Variants in CST9L observed in about 807,000 individuals in gnomAD.
The protein encoded by CST9L is cystatin-9-like.
In CST9L, 17 loss-of-function variants were observed where a neutral mutation model predicts 13.2. The ratio of observed to expected loss-of-function variants is 1.29; its 90% confidence interval spans 0.88 to 1.93. The LOEUF is 1.93. Ranked by LOEUF, CST9L falls within the 30% of genes most tolerant of loss-of-function variation. The probability of loss-of-function intolerance (pLI) is 0.00; values close to 1 mark genes in which losing one functional copy is unlikely to be tolerated. For synonymous variants in CST9L, 78 were observed against 69.1 expected, an observed-to-expected ratio of 1.13 and a Z score of -0.64; for missense variants, 170 against 170.5, an observed-to-expected ratio of 1.00 and a Z score of 0.02.
intron 1 of CST9L, 49 bp downstream of exon 1, chr20:23,568,162 T>G (rs764967975): frequency 1.2e-6 from 2 of 1,604,722 alleles, no homozygotes; most frequent in Non-Finnish European, 1.7e-6. Flanking sequence ...CATTTTTCAC[T>G]GAGCAGCACA....
Position 23,564,858 on chromosome 20 carries a change from G to A in CST9L, c.*90C>T. The A allele has an allele frequency of 1.1e-6, 1 of 881,664 alleles. No homozygotes were observed. The highest frequency in any genetic ancestry group is 1.3e-5 in the South Asian group (1 of 75,394). 54.6% of individuals were successfully genotyped at this position (881,664 alleles called of 1,614,324 possible). ...TAGGATAACAAACAAGTCCAAAGCT[G>A]CTCAGCCACTGAAGAGTCCTCAGGA... On this transcript the variant is annotated 3_prime_UTR_variant, in exon 3 of 3. Coordinates refer to ENST00000376979, the MANE Select transcript of CST9L (RefSeq NM_080610.3).
At chr20:23,565,505 G>C (rs1278891525) in intron 2 of CST9L, among the ~76,000 whole-genome samples, 1 of 152,178 alleles carries the variant, frequency 6.6e-6, no homozygotes, top group African/African-American at 2.4e-5. Context: ...TCAGCTCAGG[G>C]CCTGGGAGGG....
chr20:23,566,294 C>T (rs920205407), intron 1 of CST9L, among the ~76,000 whole-genome samples: 3 of 152,194 alleles, frequency 2.0e-5, no homozygotes, highest in African/African-American at 7.2e-5. Flanking sequence ...GGCAGACACC[C>T]ATGAATGTAT....
intron 1 of CST9L, 25 bp downstream of exon 1, chr20:23,568,186 G>A: frequency 6.2e-7 from 1 of 1,613,688 alleles, no homozygotes; most frequent in Non-Finnish European, 8.5e-7. Context: ...CAGATGCCAG[G>A]GCAGGAGGGT....
Position 23,568,112 on chromosome 20 carries a change from C to T in CST9L, c.240+99G>A, listed in dbSNP as rs114733042. The T allele has an allele frequency of 2.7e-3, 3,382 of 1,264,210 alleles. 67 individuals are homozygous for T. The African/African-American group carries it at 0.044, about 16-fold the overall frequency. 78.3% of individuals were successfully genotyped at this position (1,264,210 alleles called of 1,614,324 possible). On this transcript the variant is annotated intron_variant, in intron 1 of 2. Transcript: ENST00000376979. ...TTAAGTATGGACTACAACTGGTGAACAAGACTCTTCAATAAGACCCCCTGT... is the reference window on the plus strand; with the variant it reads ...TTAAGTATGGACTACAACTGGTGAATAAGACTCTTCAATAAGACCCCCTGT...
In CST9L at chr20:23,568,274, G is replaced by C. The variant is rs371800048; in HGVS notation, c.177C>G (p.Asn59Lys). The C allele has an allele frequency of 4.3e-6, 7 of 1,613,996 alleles. No individual in the cohort carries two copies. In the African/African-American group the frequency reaches 9.3e-5, roughly 22 times the overall value. The part of the protein sequence containing the change: ...ATVEFAVHTF[N>K]QQSKDYYAYR... ...AGGCATAGTAGTCCTTGCTCTGTTG[G>C]TTGAATGTGTGGACAGCAAACTCCA... is the stretch of plus-strand genomic sequence containing the variant. The change falls in exon 1 of 3, where the codon AAC (asparagine) becomes AAG (lysine). Residue 59 changes from asparagine (N) to lysine (K), a missense_variant. By Grantham distance (94) the Asn-to-Lys change is moderately conservative. Transcript: ENST00000376979.
chr20:23,568,116 A>T, intron 1 of CST9L, 95 bp downstream of exon 1: 2 of 1,286,874 alleles, frequency 1.6e-6, no homozygotes, highest in Non-Finnish European at 2.2e-6. Context: ...GGTGAACAAG[A>T]CTCTTCAATA....
intron 1 of CST9L, among the ~76,000 whole-genome samples, chr20:23,567,721 T>C (rs570299352): frequency 6.6e-6 from 1 of 152,262 alleles, no homozygotes; most frequent in Admixed American, 6.5e-5. Context: ...AAGTTGGAAA[T>C]CAGCAAAGAG....
rs1989066503 is a variant in CST9L at position 23,564,761 on chromosome 20, A to G, written c.*187T>C. ...TTAAAATGCTGATGTTTAATGATCT[A>G]CACTACATGATTAGGCTCAAGATGT... On this transcript the variant is annotated 3_prime_UTR_variant, in exon 3 of 3. Transcript: ENST00000376979. 2 of 594,376 alleles carry G rather than the reference A, an allele frequency of 3.4e-6. No individual in the cohort carries two copies. Among genetic ancestry groups the G allele is most frequent in the Non-Finnish European group, 6.1e-6 (2 of 330,152 alleles). 36.8% of individuals were successfully genotyped at this position (594,376 alleles called of 1,614,324 possible).
At chr20:23,568,136 G>A in intron 1 of CST9L, 75 bp downstream of exon 1, 2 of 1,519,112 alleles carry the variant, frequency 1.3e-6, no homozygotes, top group Non-Finnish European at 1.8e-6. Context: ...AAGACCCCCT[G>A]TCCCCACCCC....
intron 1 of CST9L, among the ~76,000 whole-genome samples, chr20:23,567,302 G>A (rs1013140293): frequency 1.3e-5 from 2 of 152,030 alleles, no homozygotes; most frequent in East Asian, 1.9e-4. Flanking sequence ...GAGGTCAGGA[G>A]TTCAAGACCA....
At position 23,566,234 on chromosome 20, in the gene CST9L, T is replaced by C. The variant is rs2208284; in HGVS notation, c.241-147A>G. 0.4 allele frequency: 258,635 copies of C among 653,290 alleles called. 53,394 individuals are homozygous for C. Among genetic ancestry groups the C allele is most frequent in the Middle Eastern group, 0.56 (2,209 of 3,928 alleles). 40.5% of individuals were successfully genotyped at this position (653,290 alleles called of 1,614,324 possible). A position where few individuals can be genotyped will look rare whatever the true frequency, so the allele number is the denominator to read the frequency against. On this transcript the variant is annotated intron_variant, in intron 1 of 2. Coordinates refer to ENST00000376979, the MANE Select transcript of CST9L (RefSeq NM_080610.3). Reference sequence around the variant, plus strand: ...ATGGGCCTGGCATCAGGAGATCTTCTTTAGATTGGGCAGTTAAGAACAAAA... The same window carrying C: ...ATGGGCCTGGCATCAGGAGATCTTCCTTAGATTGGGCAGTTAAGAACAAAA...
Position 23,564,966 on chromosome 20 carries a change from G to A in CST9L, c.426C>T (p.Cys142=), listed in dbSNP as rs1283987028. The A allele has an allele frequency of 6.2e-7, 1 of 1,612,998 alleles. No individual in the cohort carries two copies. The highest frequency in any genetic ancestry group is 8.5e-7 in the Non-Finnish European group (1 of 1,178,964). The change falls in exon 3 of 3, where the codon TGC becomes TGT. Residue 142 remains cysteine (C), a synonymous_variant. Transcript: ENST00000376979. ...GTTTCACTCAGTGGAATCCCTCCAA[G>A]CAGGTCTTGTTCAGGAGGCTGAACT... ...MTQFSLLNKT[C]LEGFH is the part of the protein sequence containing the mutation.
At chr20:23,568,068 TA>T in intron 1 of CST9L, 142 bp downstream of exon 1, 1 of 763,760 alleles carries the variant, frequency 1.3e-6, no homozygotes, top group Non-Finnish European at 2.1e-6. Flanking sequence ...AAAAACTAAC[TA>T]AACTACCTTG....
At chr20:23,565,208 T>A (rs1441513795) in intron 2 of CST9L, among the ~76,000 whole-genome samples, 171 bp from the exon 3 acceptor site, 4 of 152,118 alleles carry the variant, frequency 2.6e-5, no homozygotes, top group African/African-American at 9.7e-5. Flanking sequence ...CCTGGGCTGT[T>A]CTGGAGATTT....
intron 1 of CST9L, 98 bp from the exon 2 acceptor site, chr20:23,566,185 TCTC>T (rs1989093717): frequency 1.3e-6 from 1 of 777,770 alleles, no homozygotes; most frequent in Non-Finnish European, 2.3e-6. Flanking sequence ...GTCCCAACAT[TCTC>T]CTCCATTAGG....
Position 23,568,198 on chromosome 20 carries a change from C to T in CST9L, c.240+13G>A, listed in dbSNP as rs749278295. The T allele has an allele frequency of 1.7e-5, 28 of 1,613,868 alleles. No individual in the cohort carries two copies. Among genetic ancestry groups the T allele is most frequent in the East Asian group, 6.7e-5 (3 of 44,890 alleles). ...TGCCAGATGCCAGGGCAGGAGGGTA[C>T]GTGGTCACCAACCTGCTCCTTCCAG... On this transcript the variant is annotated intron_variant, in intron 1 of 2. Transcript: ENST00000376979.
At chr20:23,565,061 G>A in intron 2 of CST9L, 24 bp from the exon 3 acceptor site, 1 of 1,550,452 alleles carries the variant, frequency 6.4e-7, no homozygotes, top group Non-Finnish European at 8.9e-7. Context: ...CACAGGAAGG[G>A]ACAGTGGGTG....
At chr20:23,565,354 C>T (rs1394567629) in intron 2 of CST9L, among the ~76,000 whole-genome samples, 10 of 152,156 alleles carry the variant, frequency 6.6e-5, no homozygotes, top group African/African-American at 2.2e-4. Flanking sequence ...AATGCATTGT[C>T]CCAGTGGAAG....
Sources: gnomAD v4.1 joint callset for allele counts (sites outside exome capture counted in the v4.1 genomes callset) on GRCh38, gnomAD v4.1.1 for gene constraint, MANE v1.5 for transcripts, NCBI Gene and HGNC (gene_info 2026-07-23, HGNC 2026-07-21) for gene names.